Variants in TMEM213 observed in about 807,000 individuals in gnomAD.
TMEM213 encodes transmembrane protein 213.
A neutral mutation model predicts 11.6 loss-of-function variants in TMEM213; 7 were observed. The observed-to-expected ratio is 0.60, with a 90% CI of 0.34 to 1.13. The LOEUF (loss-of-function observed/expected upper bound fraction) is 1.13. Ranked by LOEUF, TMEM213 falls within the 50% of genes most tolerant of loss-of-function variation. The pLI is 0.03. For missense variants in TMEM213, 129 were observed against 139.0 expected, an observed-to-expected ratio of 0.93 and a Z score of 0.36; for synonymous variants, 60 against 58.3, an observed-to-expected ratio of 1.03 and a Z score of -0.13.
rs1809084452 is a variant in TMEM213 at position 138,805,548 on chromosome 7, G to T, written c.*2479G>T. ...AAGAGATGAAAAGATTCATTAAGGT[G>T]CATGCTTTGATTTAACATCTGCAAA... On this transcript the variant is annotated 3_prime_UTR_variant, in exon 3 of 3. Transcript: ENST00000442682. 6.6e-6 allele frequency: 1 copy of T among 152,172 alleles called. No homozygotes were observed. The highest frequency in any genetic ancestry group is 2.4e-5 in the African/African-American group (1 of 41,426). 9.4% of individuals were successfully genotyped at this position (152,172 alleles called of 1,614,324 possible).
At chr7:138,801,259 A>G in intron 1 of TMEM213, 68 bp from the exon 2 acceptor site, 1 of 1,417,204 alleles carries the variant, frequency 7.1e-7, no homozygotes, top group Non-Finnish European at 9.8e-7. Flanking sequence ...TACAAAAAAC[A>G]TTTCAAAATC....
Position 138,804,976 on chromosome 7 carries a change from G to A in TMEM213, c.*1907G>A, listed in dbSNP as rs1370859404. The A allele has an allele frequency of 6.6e-6, 1 of 152,146 alleles. No homozygotes were observed. Among genetic ancestry groups the A allele is most frequent in the Non-Finnish European group, 1.5e-5 (1 of 68,022 alleles). The allele number at this position is 152,146 out of a possible 1,614,324, so 9.4% of individuals were successfully genotyped here. ...GGAAAAATGAAAGACCTCTGAAATA[G>A]GAACAATCTCTTGAAGAGGCAAATG... On this transcript the variant is annotated 3_prime_UTR_variant, in exon 3 of 3. Transcript: ENST00000442682.
intron 1 of TMEM213, among the ~76,000 whole-genome samples, chr7:138,800,612 G>A (rs1391062119): frequency 6.6e-6 from 1 of 152,052 alleles, no homozygotes; most frequent in African/African-American, 2.4e-5. Flanking sequence ...TCCTTGGGTT[G>A]CAAATAGACG....
At position 138,804,045 on chromosome 7, in the gene TMEM213, C is replaced by G. The variant is rs1809034003; in HGVS notation, c.*976C>G. The G allele has an allele frequency of 6.6e-6, 1 of 152,664 alleles. No homozygotes were observed. The highest frequency in any genetic ancestry group is 6.5e-5 in the Admixed American group (1 of 15,274). 9.5% of individuals were successfully genotyped at this position (152,664 alleles called of 1,614,324 possible). A position where few individuals can be genotyped will look rare whatever the true frequency, so the allele number is the denominator to read the frequency against. On this transcript the variant is annotated 3_prime_UTR_variant, in exon 3 of 3. Transcript: ENST00000442682. ...CTCCTTCTGGCTTCATCCTGTCTTC[C>G]ACGGCTCTCCTGTCCCACCTATTCT... is the stretch of plus-strand genomic sequence containing the variant.
intron 1 of TMEM213, among the ~76,000 whole-genome samples, chr7:138,800,992 C>A (rs1469769856): frequency 2.0e-5 from 3 of 152,124 alleles, no homozygotes; most frequent in Non-Finnish European, 4.4e-5. Context: ...AACCACTGCA[C>A]CTGGCCTCTT....
At chr7:138,800,860 C>T (rs1034545868) in intron 1 of TMEM213, among the ~76,000 whole-genome samples, 1 of 152,000 alleles carries the variant, frequency 6.6e-6, no homozygotes, top group East Asian at 1.9e-4. Flanking sequence ...CCACCACGCC[C>T]GGCTGCTTTT....
intron 1 of TMEM213, among the ~76,000 whole-genome samples, chr7:138,800,707 T>TTCTTCTTCTTCTTC (rs1563030199): frequency 2.4e-4 from 29 of 123,262 alleles, no homozygotes; most frequent in African/African-American, 9.5e-4. Context: ...TCTTCTTCTT[T>TTCTTCTTCTTCTTC]TTTTTTTTTT....
At position 138,802,901 on chromosome 7, in the gene TMEM213, C is replaced by T. The variant is rs778307980; in HGVS notation, c.156C>T (p.Asn52=). 6.3e-5 allele frequency: 98 copies of T among 1,566,110 alleles called. No homozygotes were observed. The highest frequency in any genetic ancestry group is 7.3e-5 in the Non-Finnish European group (85 of 1,160,236). Residue 52 remains asparagine (N), a splice_region_variant and synonymous_variant, in exon 3 of 3, where the codon AAC becomes AAT. Transcript: ENST00000442682. ...TCCTTGCTGTCCCTTCCCCACCAGA[C>T]GTGGACTTCTGCCCACAAGCAGCCC... ...PDPGTLEQCL[N]VDFCPQAARC...
chr7:138,801,088 A>G (rs972253420), intron 1 of TMEM213, among the ~76,000 whole-genome samples: 6 of 152,068 alleles, frequency 3.9e-5, no homozygotes, highest in African/African-American at 1.4e-4. Context: ...CGAATGTCCC[A>G]TCTCCAAATA....
At chr7:138,801,999 A>C (rs1402833462) in intron 2 of TMEM213, among the ~76,000 whole-genome samples, 1 of 152,130 alleles carries the variant, frequency 6.6e-6, no homozygotes, top group African/African-American at 2.4e-5. Context: ...CCCTGTCTCT[A>C]TTAAAAATAG....
Position 138,804,030 on chromosome 7 carries a change from C to T in TMEM213, c.*961C>T, listed in dbSNP as rs975798631. Reference sequence around the variant, plus strand: ...GGTCCTTCTCCAGCTCTCCTTCTGGCTTCATCCTGTCTTCCACGGCTCTCC... The same window carrying T: ...GGTCCTTCTCCAGCTCTCCTTCTGGTTTCATCCTGTCTTCCACGGCTCTCC... On this transcript the variant is annotated 3_prime_UTR_variant, in exon 3 of 3. Coordinates refer to ENST00000442682, the MANE Select transcript of TMEM213 (RefSeq NM_001085429.2). 4 of 152,618 alleles carry T rather than the reference C, an allele frequency of 2.6e-5. No individual in the cohort carries two copies. The highest frequency in any genetic ancestry group is 2.9e-5 in the Non-Finnish European group (2 of 68,388). The allele number at this position is 152,618 out of a possible 1,614,324, so 9.5% of individuals were successfully genotyped here. A position where few individuals can be genotyped will look rare whatever the true frequency, so the allele number is the denominator to read the frequency against.
chr7:138,802,201 G>A (rs1243448056), intron 2 of TMEM213, among the ~76,000 whole-genome samples: 1 of 151,602 alleles, frequency 6.6e-6, no homozygotes, highest in African/African-American at 2.4e-5. Flanking sequence ...TATTTTGTCT[G>A]GTTCCCTTTA....
intron 1 of TMEM213, 100 bp downstream of exon 1, chr7:138,798,286 C>A: frequency 9.8e-7 from 1 of 1,023,616 alleles, no homozygotes; most frequent in Non-Finnish European, 1.3e-6. Flanking sequence ...GATTCTTTGG[C>A]CAGGGTTGGT....
intron 1 of TMEM213, among the ~76,000 whole-genome samples, chr7:138,800,263 T>C (rs1304111875): frequency 1.3e-5 from 2 of 152,122 alleles, no homozygotes; most frequent in Non-Finnish European, 2.9e-5. Context: ...TGAATTTGAT[T>C]TTAATAAATT....
chr7:138,801,240 C>T (rs1808933818), intron 1 of TMEM213, 87 bp from the exon 2 acceptor site: 1 of 1,222,462 alleles, frequency 8.2e-7, no homozygotes, highest in African/African-American at 1.5e-5. Context: ...ATAATACTCA[C>T]TACTGATTTA....
Position 138,803,102 on chromosome 7 carries a change from C to A in TMEM213, c.*33C>A, listed in dbSNP as rs540596170. On this transcript the variant is annotated 3_prime_UTR_variant, in exon 3 of 3. Transcript: ENST00000442682. ...GCTCGGTGCACAAAATGGTGATCGCCACCAATTTGTGGCTAATGGGGAAGG... is the reference window on the plus strand; with the variant it reads ...GCTCGGTGCACAAAATGGTGATCGCAACCAATTTGTGGCTAATGGGGAAGG... 2 of 1,603,724 alleles carry A rather than the reference C, an allele frequency of 1.2e-6. No individual in the cohort carries two copies. Among genetic ancestry groups the A allele is most frequent in the Non-Finnish European group, 1.7e-6 (2 of 1,176,840 alleles).
chr7:138,802,856 G>A (rs755674371), intron 2 of TMEM213, 44 bp from the exon 3 acceptor site: 3 of 1,516,570 alleles, frequency 2.0e-6, no homozygotes, highest in East Asian at 4.5e-5. Context: ...CCTGGGCAGG[G>A]CTGGTGGTGC....
At chr7:138,801,580 C>A in intron 2 of TMEM213, 182 bp downstream of exon 2, 1 of 609,268 alleles carries the variant, frequency 1.6e-6, no homozygotes, top group Non-Finnish European at 2.9e-6. Flanking sequence ...GCTTTCTTGG[C>A]TCTGATCCCC....
intron 2 of TMEM213, 54 bp downstream of exon 2, chr7:138,801,452 G>A: frequency 2.0e-6 from 3 of 1,514,254 alleles, no homozygotes; most frequent in Non-Finnish European, 2.7e-6. Context: ...CAGCCTGGGA[G>A]GGAAACAAAG....
Sources: gnomAD v4.1 joint callset for allele counts (sites outside exome capture counted in the v4.1 genomes callset) on GRCh38, gnomAD v4.1.1 for gene constraint, MANE v1.5 for transcripts, NCBI Gene and HGNC (gene_info 2026-07-23, HGNC 2026-07-21) for gene names.